The following TG variants were observed in gnomAD, a reference collection of about 807,000 sequenced individuals.
The protein encoded by TG is thyroglobulin, also known as thyroid hormones.
Under a neutral mutation model 324.7 loss-of-function variants are expected in TG, and 270 were observed. That is an observed-to-expected ratio of 0.83 (90% CI 0.75 to 0.92). The LOEUF is 0.92. Ranked by LOEUF, TG falls within the 40% of genes least tolerant of loss-of-function variation. The pLI, the probability that TG is intolerant of heterozygous loss-of-function variation, is 0.00. For synonymous variants in TG, 1,401 were observed against 1,327.0 expected (o/e 1.06, Z -1.21); for missense variants, 3,591 against 3,456.4 (o/e 1.04, Z -0.98).
chr8:132,967,205 A>AT (rs1828732183), intron 30 of TG, among the ~76,000 whole-genome samples: 1 of 101,166 alleles, frequency 9.9e-6, no homozygotes, highest in Non-Finnish European at 2.1e-5. Context: ...ATCCCATCCA[A>AT]CCATCCATCC....
chr8:132,900,493 T>G (rs1050968294), intron 15 of TG, among the ~76,000 whole-genome samples, 154 bp downstream of exon 15: 2 of 152,240 alleles, frequency 1.3e-5, no homozygotes, highest in African/African-American at 4.8e-5. Flanking sequence ...TTCTCATCTA[T>G]GAAATCGGGG....
At chr8:133,120,601 T>C (rs1851067361) in intron 45 of TG, among the ~76,000 whole-genome samples, 2 of 152,174 alleles carry the variant, frequency 1.3e-5, no homozygotes, top group South Asian at 4.1e-4. Flanking sequence ...GTGTTCTTCG[T>C]CCGGTATTTC....
Position 132,948,903 on chromosome 8 carries a change from C to A in TG, c.5361C>A (p.His1787Gln). The A allele has an allele frequency of 6.2e-7, 1 of 1,614,014 alleles. No homozygotes were observed. Among genetic ancestry groups the A allele is most frequent in the East Asian group, 2.2e-5 (1 of 44,878 alleles). The change falls in exon 27 of 48, where the codon CAC becomes CAA. Residue 1787 changes from histidine to glutamine, a missense_variant. Transcript: ENST00000220616. ...GTGTGACATATGACCAGGAGAGCCA[C>A]CAGGTGATATTGCGTCTTGGAGACC... The part of the protein sequence containing the change: ...CPGVTYDQES[H>Q]QVILRLGDQE...
At chr8:133,117,985 T>C (rs1850835172) in intron 45 of TG, among the ~76,000 whole-genome samples, 1 of 152,220 alleles carries the variant, frequency 6.6e-6, no homozygotes, top group South Asian at 2.1e-4. Context: ...ACCTGGACCA[T>C]AAGTTGTCCA....
At chr8:132,896,903 C>T (rs1026089306) in intron 11 of TG, among the ~76,000 whole-genome samples, 8 of 152,092 alleles carry the variant, frequency 5.3e-5, no homozygotes, top group East Asian at 1.9e-4. Context: ...CCCAGTGGGT[C>T]GGGGACTGCA....
chr8:133,074,793 G>A (rs2739157), intron 41 of TG: 240,001 of 927,180 alleles, frequency 0.26, 32,911 homozygotes, highest in East Asian at 0.54. Context: ...TGCCAACTGC[G>A]TGTTGAAGAG....
intron 43 of TG, among the ~76,000 whole-genome samples, chr8:133,097,923 G>A (rs1455865046): frequency 2.6e-5 from 4 of 152,164 alleles, no homozygotes; most frequent in South Asian, 2.1e-4. Flanking sequence ...TGTGAGCAGC[G>A]ATAGAGTTCT....
rs372114056 is a variant in TG, at chr8:132,898,825, C to T, written c.3245C>T (p.Thr1082Ile). Residue 1082 changes from threonine (T) to isoleucine (I), a missense_variant, in exon 14 of 48, where the codon ACC (threonine) becomes ATC (isoleucine). Thr to Ile is a moderately conservative substitution (Grantham distance 89). Coordinates refer to ENST00000220616, the MANE Select transcript of TG (RefSeq NM_003235.5). ...QCPTTCEKSR[T>I]SGLLSSWKQA... is the part of the protein sequence containing the mutation. ...CCGACAACCTGCGAGAAATCTCGAA[C>T]CAGTGGGCTGCTTTCCAGTTGGAAA... The T allele has an allele frequency of 1.9e-6, 3 of 1,614,052 alleles. No individual in the cohort carries two copies. The African/African-American group carries it at 4.0e-5, about 22-fold the overall frequency.
At chr8:133,047,613 C>T (rs368265480) in intron 41 of TG, 22 of 575,562 alleles carry the variant, frequency 3.8e-5, no homozygotes, top group South Asian at 7.8e-5. Context: ...TGGCCAGGCC[C>T]GTGGCAGTGC....
At chr8:133,074,792 C>T in intron 41 of TG, 1 of 921,536 alleles carries the variant, frequency 1.1e-6, no homozygotes, top group Non-Finnish European at 1.3e-6. Context: ...CTGCCAACTG[C>T]GTGTTGAAGA....
intron 41 of TG, chr8:133,051,056 G>A (rs1737908170): frequency 1.6e-6 from 1 of 621,348 alleles, no homozygotes; most frequent in Admixed American, 2.7e-5. Context: ...CCAATTTACA[G>A]CAAGGTCCTC....
At chr8:132,955,374 C>A (rs557999500) in intron 27 of TG, among the ~76,000 whole-genome samples, 2 of 152,128 alleles carry the variant, frequency 1.3e-5, no homozygotes, top group African/African-American at 4.8e-5. Context: ...AAGACAGAAC[C>A]AATACTATTC....
intron 43 of TG, among the ~76,000 whole-genome samples, chr8:133,103,291 G>A (rs912020918): frequency 8.5e-5 from 13 of 152,180 alleles, no homozygotes; most frequent in African/African-American, 2.2e-4. Context: ...TATAAGAAGC[G>A]AAAGAGGTAT....
chr8:133,097,611 G>T (rs1588089035), intron 43 of TG, among the ~76,000 whole-genome samples: 1 of 152,110 alleles, frequency 6.6e-6, no homozygotes, highest in African/African-American at 2.4e-5. Flanking sequence ...AAACCAACCT[G>T]TATATATCTT....
intron 41 of TG, among the ~76,000 whole-genome samples, chr8:133,088,586 C>T (rs963400755): frequency 6.6e-6 from 1 of 152,066 alleles, no homozygotes; most frequent in African/African-American, 2.4e-5. Flanking sequence ...ATGATGTGGC[C>T]CTTAGAAGGT....
intron 20 of TG, among the ~76,000 whole-genome samples, chr8:132,914,094 C>A (rs1819941996): frequency 6.6e-6 from 1 of 152,240 alleles, no homozygotes. Context: ...TAGAACTACA[C>A]ACAGCTGCAT....
rs1384039623 is a variant in TG, at chr8:132,873,147, G to A, written c.564G>A (p.Glu188=). 2 of 1,614,178 alleles carry A rather than the reference G, an allele frequency of 1.2e-6. No homozygotes were observed. Among genetic ancestry groups the A allele is most frequent in the Non-Finnish European group, 1.7e-6 (2 of 1,180,032 alleles). Residue 188 remains glutamate (E), a synonymous_variant, in exon 5 of 48, where the codon GAG becomes GAA. Coordinates refer to ENST00000220616, the MANE Select transcript of TG (RefSeq NM_003235.5). ...CACCCCAGTGTTCTGCGGAGGGAGA[G>A]TTTATGCCTGTCCAGTGCAAATTTG... The part of the protein sequence containing the change: ...KSPPQCSAEG[E]FMPVQCKFVN...
chr8:133,062,773 G>T (rs1842556448), intron 41 of TG, among the ~76,000 whole-genome samples: 1 of 152,086 alleles, frequency 6.6e-6, no homozygotes, highest in African/African-American at 2.4e-5. Context: ...CACAGGCCTT[G>T]GGAAGCATGC....
chr8:132,956,212 G>A (rs1470686887), intron 27 of TG, among the ~76,000 whole-genome samples: 2 of 152,164 alleles, frequency 1.3e-5, no homozygotes, highest in Non-Finnish European at 2.9e-5. Context: ...GCGTGGGAAG[G>A]CAATGTTCTG....
Sources: allele counts gnomAD v4.1 joint callset (sites outside exome capture counted in the v4.1 genomes callset), GRCh38; gene constraint gnomAD v4.1.1; transcripts MANE v1.5; gene names NCBI Gene and HGNC (gene_info 2026-07-23, HGNC 2026-07-21).